TBCD: variants seen among roughly 807,000 people sequenced by gnomAD.
The protein encoded by TBCD is tubulin folding cofactor D, also known as tubulin-specific chaperone D.
In TBCD, 105 loss-of-function variants were observed where a neutral mutation model predicts 169.3. The ratio of observed to expected loss-of-function variants is 0.62; its 90% CI spans 0.53 to 0.73. The LOEUF is 0.73. Among genes scored for constraint, TBCD ranks in the 30% least tolerant of loss-of-function variants. TBCD has a pLI of 0.00. For missense variants in TBCD, 1,444 were observed against 1,600.1 expected (o/e 0.90, Z 1.66); for synonymous variants, 700 against 643.9 (o/e 1.09, Z -1.32).
chr17:82,831,960 G>T lies in TBCD; in HGVS notation c.1318+17026G>T, dbSNP rs35867846. The T allele has an allele frequency of 6.2e-7, 1 of 1,613,860 alleles. No individual in the cohort carries two copies. The highest frequency in any genetic ancestry group is 1.1e-5 in the South Asian group (1 of 91,072). Reference sequence around the variant, plus strand: ...CTGGCCCCTTGAGTCTGTGCTCGCCGACTGGAACAAATGCAGAAGGCCGAG... The same window carrying T: ...CTGGCCCCTTGAGTCTGTGCTCGCCTACTGGAACAAATGCAGAAGGCCGAG... On this transcript the variant is annotated intron_variant, in intron 13 of 38. Transcript: ENST00000355528. The surrounding 1 kb of genome is among the most constrained non-coding windows in gnomAD (Gnocchi z 4.6).
intron 9 of TBCD, among the ~76,000 whole-genome samples, chr17:82,803,533 C>A (rs938315360): frequency 1.3e-5 from 2 of 152,238 alleles, no homozygotes; most frequent in African/African-American, 2.4e-5. Context: ...TCCTCTCCCC[C>A]ACATATGAGC....
intron 9 of TBCD, among the ~76,000 whole-genome samples, chr17:82,804,167 G>T (rs960593443): frequency 1.4e-5 from 2 of 142,334 alleles, no homozygotes; most frequent in Non-Finnish European, 1.5e-5. Flanking sequence ...TTGGGGAAGA[G>T]TGGGGGCTGG....
intron 7 of TBCD, among the ~76,000 whole-genome samples, chr17:82,794,369 C>G (rs940322580): frequency 6.6e-6 from 1 of 152,134 alleles, no homozygotes; most frequent in Non-Finnish European, 1.5e-5. Flanking sequence ...GCAGCTTGTG[C>G]TGTGCTGGTT....
At chr17:82,779,020 A>G (rs1392720144) in intron 6 of TBCD, among the ~76,000 whole-genome samples, 5 of 141,662 alleles carry the variant, frequency 3.5e-5, no homozygotes, top group Non-Finnish European at 7.6e-5. Flanking sequence ...TTATTTATTT[A>G]TTTATTTATT....
rs1257189250 is a variant in TBCD at position 82,752,093 on chromosome 17, G to T, written c.-101G>T. ...AGCGTCGGTTGCCGCCTTAGCGGGC[G>T]CCTCCTTTTCATCCCTCATCCTTCA... On this transcript the variant is annotated 5_prime_UTR_variant, in exon 1 of 39. Coordinates refer to ENST00000355528, the MANE Select transcript of TBCD (RefSeq NM_005993.5). The T allele has an allele frequency of 7.0e-6, 9 of 1,278,848 alleles. No individual in the cohort carries two copies. The highest frequency in any genetic ancestry group is 2.9e-4 in the Middle Eastern group (1 of 3,494). The allele number at this position is 1,278,848 out of a possible 1,614,324, so 79.2% of individuals were successfully genotyped here. A position where few individuals can be genotyped will look rare whatever the true frequency, so the allele number is the denominator to read the frequency against.
At chr17:82,763,844 A>T in intron 2 of TBCD, 121 bp from the exon 3 acceptor site, 1 of 761,784 alleles carries the variant, frequency 1.3e-6, no homozygotes, top group East Asian at 2.7e-5. Context: ...GCTTCAAATG[A>T]TCCTCCCACC....
intron 4 of TBCD, 105 bp from the exon 5 acceptor site, chr17:82,768,315 C>T: frequency 7.3e-7 from 1 of 1,376,678 alleles, no homozygotes; most frequent in Non-Finnish European, 1.0e-6. Context: ...GAATGGCTTT[C>T]ATAGGCATTG....
intron 14 of TBCD, among the ~76,000 whole-genome samples, chr17:82,873,772 C>A (rs1050267173): frequency 1.3e-5 from 2 of 152,138 alleles, no homozygotes; most frequent in Non-Finnish European, 2.9e-5. Context: ...AGGCGGGCCC[C>A]GTGCTTCATG....
rs1237177870 is a variant in TBCD at position 82,782,734 on chromosome 17, G to A, written c.771+1013G>A. On this transcript the variant is annotated intron_variant, in intron 7 of 38. Coordinates refer to ENST00000355528, the MANE Select transcript of TBCD (RefSeq NM_005993.5). The surrounding 1 kb of genome is among the most constrained non-coding windows in gnomAD (Gnocchi z 5.1). ...CCGTGGCGTCGTCCTCCTGTCCGCA[G>A]CATCGTCTTCCTATCCGCGGCATTG... is the stretch of plus-strand genomic sequence containing the variant. Among the ~76,000 whole-genome samples, 2 of 151,806 alleles carry A rather than the reference G, an allele frequency of 1.3e-5. No individual in the cohort carries two copies. The highest frequency in any genetic ancestry group is 4.9e-5 in the African/African-American group (2 of 41,228).
At chr17:82,902,167 C>T (rs752257820) in intron 18 of TBCD, among the ~76,000 whole-genome samples, 3 of 152,120 alleles carry the variant, frequency 2.0e-5, no homozygotes, top group African/African-American at 4.8e-5. Context: ...TTTATCTTTG[C>T]GGAACGGCCC....
At chr17:82,846,307 T>C (rs8069046) in intron 13 of TBCD, among the ~76,000 whole-genome samples, 34,612 of 83,058 alleles carry the variant, frequency 0.42, 5,445 homozygotes, top group South Asian at 0.46. Context: ...CCCCTCCACG[T>C]GCTGCGTCCA....
In TBCD at chr17:82,832,364, G is replaced by A; in HGVS notation, c.1318+17430G>A. On this transcript the variant is annotated intron_variant, in intron 13 of 38. Coordinates refer to ENST00000355528, the MANE Select transcript of TBCD (RefSeq NM_005993.5). This position sits in a 1 kb window ranked among gnomAD's most constrained non-coding sequence, Gnocchi z 4.9. ...TGTGACTTCTCATTGCAAGTAAAGGGACATTGGAAACATTTATACTTGAAG... is the reference window on the plus strand; with the variant it reads ...TGTGACTTCTCATTGCAAGTAAAGGAACATTGGAAACATTTATACTTGAAG... 3.1e-6 allele frequency: 5 copies of A among 1,614,216 alleles called. No homozygotes were observed. Among genetic ancestry groups the A allele is most frequent in the Non-Finnish European group, 3.4e-6 (4 of 1,180,052 alleles).
intron 13 of TBCD, among the ~76,000 whole-genome samples, chr17:82,836,877 C>T (rs536183924): frequency 1.1e-4 from 17 of 152,106 alleles, no homozygotes; most frequent in Non-Finnish European, 2.1e-4. Flanking sequence ...GTCAGATTTG[C>T]CCTTTTGTTC....
Position 82,927,329 on chromosome 17 carries a change from T to C in TBCD, c.2609+6T>C. 1 of 1,613,128 alleles carries C rather than the reference T, an allele frequency of 6.2e-7. No homozygotes were observed. ...AGAGGGGACGTGGGCACCTGGTACG[T>C]ACGTAGCAGTGGGTGAGCGCTTCTT... On this transcript the variant is annotated splice_donor_region_variant and intron_variant, in intron 29 of 38. Coordinates refer to ENST00000355528, the MANE Select transcript of TBCD (RefSeq NM_005993.5).
At chr17:82,934,401 C>T (rs2062452149) in intron 34 of TBCD, among the ~76,000 whole-genome samples, 1 of 152,188 alleles carries the variant, frequency 6.6e-6, no homozygotes, top group Admixed American at 6.5e-5. Context: ...GCTGTTGGAA[C>T]AGCCTCCATG....
chr17:82,918,665 T>A (rs1275958008), intron 23 of TBCD: 2 of 152,200 alleles, frequency 1.3e-5, no homozygotes, highest in Non-Finnish European at 2.9e-5. Context: ...CGTGAGAGGC[T>A]GAGGCACCGC....
chr17:82,917,951 T>G (rs1286486957), intron 23 of TBCD, among the ~76,000 whole-genome samples: 2 of 152,258 alleles, frequency 1.3e-5, no homozygotes, highest in African/African-American at 4.8e-5. Flanking sequence ...CCTGTGTGTT[T>G]TCATTTTGTC....
rs185807618 is a variant in TBCD, at chr17:82,768,405, G to A, written c.436-15G>A. ...TTCAAGCAAGACTCATTCTTCCCGTGGTTTAATTTTTTAGGCTTGGGAAAC... is the reference window on the plus strand; with the variant it reads ...TTCAAGCAAGACTCATTCTTCCCGTAGTTTAATTTTTTAGGCTTGGGAAAC... On this transcript the variant is annotated splice_polypyrimidine_tract_variant and intron_variant, in intron 4 of 38. Coordinates refer to ENST00000355528, the MANE Select transcript of TBCD (RefSeq NM_005993.5). 5 of 1,613,632 alleles carry A rather than the reference G, an allele frequency of 3.1e-6. No homozygotes were observed. The highest frequency in any genetic ancestry group is 4.2e-6 in the Non-Finnish European group (5 of 1,179,674).
chr17:82,890,425 G>A lies in TBCD; in HGVS notation c.1563+728G>A, dbSNP rs2059049403. ...GCAGCCGGGGTCTGGGCTGTGGCCA[G>A]GTGGTGTGGGGCGGCATGGGGTGGA... On this transcript the variant is annotated intron_variant, in intron 16 of 38. Coordinates refer to ENST00000355528, the MANE Select transcript of TBCD (RefSeq NM_005993.5). The surrounding 1 kb of genome is among the most constrained non-coding windows in gnomAD (Gnocchi z 5.3). Among the ~76,000 whole-genome samples, 1 of 152,208 alleles carries A rather than the reference G, an allele frequency of 6.6e-6. No homozygotes were observed. Among genetic ancestry groups the A allele is most frequent in the Non-Finnish European group, 1.5e-5 (1 of 68,036 alleles).
Sources: allele counts gnomAD v4.1 joint callset (sites outside exome capture counted in the v4.1 genomes callset), GRCh38; gene constraint gnomAD v4.1.1; non-coding constraint Gnocchi (gnomAD v3.1); transcripts MANE v1.5; gene names NCBI Gene and HGNC (gene_info 2026-07-23, HGNC 2026-07-21).